The following WNK2 variants were observed in gnomAD, a reference collection of about 807,000 sequenced individuals.
WNK2 encodes the protein serine/threonine-protein kinase WNK2.
A neutral mutation model predicts 192.1 loss-of-function variants in WNK2; 67 were observed. The ratio of observed to expected loss-of-function variants is 0.35; its 90% CI spans 0.29 to 0.43. The LOEUF is 0.43. WNK2 is among the 20% of genes least tolerant of loss of function. The pLI is 1.00. For synonymous variants in WNK2, 1,439 were observed against 1,393.9 expected (o/e 1.03, Z -0.72); for missense variants, 2,698 against 3,089.7 (o/e 0.87, Z 3.01).
Position 93,185,523 on chromosome 9 carries a change from C to T in WNK2, c.594C>T (p.Asp198=), listed in dbSNP as rs369587514. The change falls in exon 2 of 30, where the codon GAC becomes GAT. Residue 198 remains aspartate, a synonymous_variant. Transcript: ENST00000427277. ...TSLDGRFLKF[D]IELGRGSFKT... ...TGGACGGCCGCTTCCTCAAGTTCGA[C>T]ATCGAGCTGGGCCGCGGTTCCTTCA... 14 of 1,613,062 alleles carry T rather than the reference C, an allele frequency of 8.7e-6. No homozygotes were observed. In the African/African-American group the frequency reaches 1.5e-4, roughly 17 times the overall value.
In WNK2 at chr9:93,297,981, G is replaced by A. The variant is rs748814437; in HGVS notation, c.5837G>A (p.Arg1946Gln). ...FFHTAPPTGR[R>Q]RKTSKSKLKA... The stretch of plus-strand genomic sequence containing the variant: ...CACACGGCACCCCCCACTGGCCGCC[G>A]GAGAAAAACCAGCAAGAGCAAGCTG... The change falls in exon 24 of 30, where the codon CGG (arginine) becomes CAG (glutamine). Residue 1946 changes from arginine (R) to glutamine (Q), a missense_variant. Arg to Gln is a conservative substitution (Grantham distance 43). Transcript: ENST00000427277. 89 of 1,566,212 alleles carry A rather than the reference G, an allele frequency of 5.7e-5. No individual in the cohort carries two copies. Among genetic ancestry groups the A allele is most frequent in the Non-Finnish European group, 7.6e-5 (88 of 1,156,712 alleles).
rs112181735 is a variant in WNK2, at chr9:93,292,778, C to T, written c.5313C>T (p.Pro1771=). ...SPHSLRYSAP[P]DVYLDEAPSS... is the part of the protein sequence containing the mutation. ...ACAGCCTGAGATACTCTGCCCCACC[C>T]GACGTCTACCTGGACGAGGCCCCCT... Residue 1771 remains proline, a synonymous_variant, in exon 23 of 30, where the codon CCC becomes CCT. Transcript: ENST00000427277. The T allele has an allele frequency of 1.4e-4, 217 of 1,557,824 alleles. 1 individual carries two copies. In the African/African-American group the frequency reaches 1.9e-3, roughly 14 times the overall value.
At chr9:93,265,117 G>A (rs927349717) in intron 16 of WNK2, among the ~76,000 whole-genome samples, 14 of 152,212 alleles carry the variant, frequency 9.2e-5, no homozygotes, top group African/African-American at 2.2e-4. Context: ...ATAATCCCCC[G>A]CAGCATTAGA....
At position 93,185,249 on chromosome 9, in the gene WNK2, C is replaced by A; in HGVS notation, c.320C>A (p.Ala107Asp). ...GCAGCGCTGGTAGCGCAGCCGGGAG[C>A]CCCCGGAGCCCCCGCGGACGCCGGC... ...APAALVAQPGAPGAPADAGPE... is the reference protein window; with the variant it reads ...APAALVAQPGDPGAPADAGPE... Residue 107 changes from alanine (A) to aspartate (D), a missense_variant, in exon 2 of 30, where the codon GCC becomes GAC. By Grantham distance (126) the Ala-to-Asp change is moderately radical. This residue lies in a region of WNK2 where 260 missense variants were observed against 285.6 expected (regional missense o/e 0.91). Transcript: ENST00000427277. 1 of 1,236,008 alleles carries A rather than the reference C, an allele frequency of 8.1e-7. No individual in the cohort carries two copies. The highest frequency in any genetic ancestry group is 1.0e-6 in the Non-Finnish European group (1 of 992,106). 76.6% of individuals were successfully genotyped at this position (1,236,008 alleles called of 1,614,324 possible).
intron 5 of WNK2, among the ~76,000 whole-genome samples, chr9:93,237,988 C>T (rs764910136): frequency 2.6e-5 from 4 of 152,118 alleles, no homozygotes; most frequent in Non-Finnish European, 1.5e-5. Flanking sequence ...GGTGCCTTGT[C>T]TGGGAACTGC....
chr9:93,317,042 C>T (rs545467594), intron 28 of WNK2: 138 of 194,384 alleles, frequency 7.1e-4, no homozygotes, highest in African/African-American at 3.0e-3. Context: ...ACAGCTTCTC[C>T]CCGGGCTGGG....
At chr9:93,220,435 C>T (rs910533509) in intron 2 of WNK2, among the ~76,000 whole-genome samples, 22 of 152,216 alleles carry the variant, frequency 1.4e-4, no homozygotes, top group Admixed American at 5.2e-4. Context: ...CCTGTCAGCA[C>T]AGCCGTGCAC....
intron 2 of WNK2, among the ~76,000 whole-genome samples, chr9:93,212,368 C>T (rs1294458033): frequency 6.6e-6 from 1 of 151,996 alleles, no homozygotes; most frequent in East Asian, 1.9e-4. Flanking sequence ...AGTGTGTGGC[C>T]CCCCAGCAGG....
At chr9:93,252,476 T>C (rs543956688) in intron 8 of WNK2, among the ~76,000 whole-genome samples, 1 of 152,254 alleles carries the variant, frequency 6.6e-6, no homozygotes, top group East Asian at 1.9e-4. Flanking sequence ...TCGCCTCTTA[T>C]AAAACACAGG....
chr9:93,305,999 C>CA (rs1363675500), intron 26 of WNK2, among the ~76,000 whole-genome samples: 1 of 151,010 alleles, frequency 6.6e-6, no homozygotes, highest in Non-Finnish European at 1.5e-5. Context: ...ACCTTGTCCC[C>CA]ACCAGGCTGG....
chr9:93,286,384 C>G (rs1003092080), intron 19 of WNK2, among the ~76,000 whole-genome samples: 1 of 151,986 alleles, frequency 6.6e-6, no homozygotes, highest in Non-Finnish European at 1.5e-5. Context: ...AAGAAGATAC[C>G]CAGATGGCCA....
chr9:93,266,099 C>T (rs1845121470), intron 16 of WNK2, among the ~76,000 whole-genome samples: 1 of 152,246 alleles, frequency 6.6e-6, no homozygotes, highest in Admixed American at 6.5e-5. Context: ...CCCTCCTCCT[C>T]ACAGCCCATT....
chr9:93,318,577 G>C (rs767783082), intron 29 of WNK2: 2 of 1,611,314 alleles, frequency 1.2e-6, no homozygotes, highest in Non-Finnish European at 8.5e-7. Flanking sequence ...GTGTGTGTTG[G>C]GCATAGAAAC....
At chr9:93,273,676 A>G (rs1231861346) in intron 19 of WNK2, among the ~76,000 whole-genome samples, 2 of 152,204 alleles carry the variant, frequency 1.3e-5, no homozygotes, top group Non-Finnish European at 2.9e-5. Flanking sequence ...ACTTGACCTA[A>G]TTGACATTTA....
At chr9:93,221,328 T>C (rs7859604) in intron 2 of WNK2, among the ~76,000 whole-genome samples, 146,687 of 152,300 alleles carry the variant, frequency 0.96, 70,703 homozygotes, top group African/African-American at 0.99. Flanking sequence ...GTCCCTGGCA[T>C]GGCTGCCAGC....
rs955846662 is a variant in WNK2, at chr9:93,239,096, T to G, written c.1323-661T>G. On this transcript the variant is annotated intron_variant, in intron 6 of 29. Transcript: ENST00000427277. The surrounding 1 kb of genome is among the most constrained non-coding windows in gnomAD (Gnocchi z 4.2). Reference sequence around the variant, plus strand: ...TTATAGGTTAGTGGTTAGGGAGGCTTCTTTGGGTGGCCAAGCCCTGCAGAG... The same window carrying G: ...TTATAGGTTAGTGGTTAGGGAGGCTGCTTTGGGTGGCCAAGCCCTGCAGAG... 1.3e-5 allele frequency among the ~76,000 whole-genome samples: 2 copies of G among 152,204 alleles called. No homozygotes were observed. Among genetic ancestry groups the G allele is most frequent in the Non-Finnish European group, 2.9e-5 (2 of 68,034 alleles).
intron 19 of WNK2, among the ~76,000 whole-genome samples, chr9:93,283,017 A>G (rs1379514563): frequency 6.6e-6 from 1 of 152,246 alleles, no homozygotes; most frequent in Non-Finnish European, 1.5e-5. Context: ...TCCACATTTG[A>G]TAGTTAAGCA....
At chr9:93,249,375 A>AGGTGTGGGTGTTCT (rs1564083246) in intron 8 of WNK2, among the ~76,000 whole-genome samples, 1 of 152,234 alleles carries the variant, frequency 6.6e-6, no homozygotes, top group Non-Finnish European at 1.5e-5. Context: ...ATTGCAATTC[A>AGGTGTGGGTGTTCT]GGTGTGGGTG....
intron 2 of WNK2, among the ~76,000 whole-genome samples, chr9:93,192,773 T>TA (rs369500347): frequency 9.2e-5 from 14 of 152,318 alleles, no homozygotes; most frequent in African/African-American, 3.4e-4. Flanking sequence ...CCTTGGGAGT[T>TA]ACCCTTCTTC....
Sources: gnomAD v4.1 joint callset for allele counts (sites outside exome capture counted in the v4.1 genomes callset) on GRCh38, gnomAD v4.1.1 for gene constraint, gnomAD v4.1.1 regional missense constraint, Gnocchi (gnomAD v3.1) non-coding constraint, MANE v1.5 for transcripts, NCBI Gene and HGNC (gene_info 2026-07-23, HGNC 2026-07-21) for gene names.